The following MYO9A variants were observed in gnomAD, a reference collection of about 807,000 sequenced individuals.
MYO9A encodes the protein myosin IXA, also known as unconventional myosin-IXa.
A neutral mutation model predicts 293.3 loss-of-function variants in MYO9A; 103 were observed. The ratio of observed to expected loss-of-function variants is 0.35; its 90% CI spans 0.30 to 0.41. The LOEUF is 0.41. MYO9A is among the 10% of genes least tolerant of loss of function. The pLI, the probability that MYO9A is intolerant of heterozygous loss-of-function variation, is 1.00. For synonymous variants in MYO9A, 1,001 were observed against 1,035.7 expected (o/e 0.97, Z 0.64); for missense variants, 2,685 against 3,033.0 (o/e 0.89, Z 2.69).
intron 14 of MYO9A, chr15:71,959,063 T>TA (rs1399284574): frequency 2.0e-5 from 3 of 152,218 alleles, no homozygotes; most frequent in African/African-American, 7.2e-5. Flanking sequence ...AAATTTTCCT[T>TA]AAAGCTTTTT....
chr15:71,841,151 G>A (rs968454827), intron 39 of MYO9A, among the ~76,000 whole-genome samples: 1 of 151,970 alleles, frequency 6.6e-6, no homozygotes, highest in Admixed American at 6.6e-5. Context: ...TGATTTTCTT[G>A]AGTTTTGCAT....
At chr15:71,870,018 G>C (rs1359186641) in intron 32 of MYO9A, among the ~76,000 whole-genome samples, 2 of 152,096 alleles carry the variant, frequency 1.3e-5, no homozygotes, top group Non-Finnish European at 2.9e-5. Flanking sequence ...AGCTTCTCTT[G>C]CATCTATAAA....
At chr15:71,938,956 C>T in intron 15 of MYO9A, 29 bp from the exon 16 acceptor site, 4 of 1,513,826 alleles carry the variant, frequency 2.6e-6, no homozygotes, top group Non-Finnish European at 3.6e-6. Flanking sequence ...CAGAAAATTT[C>T]AAATCAGTGC....
At chr15:72,055,537 A>G (rs765859477) in intron 1 of MYO9A, among the ~76,000 whole-genome samples, 8 of 152,222 alleles carry the variant, frequency 5.3e-5, no homozygotes, top group Non-Finnish European at 7.3e-5. Context: ...CAACCCACAG[A>G]GTGTAAGAAA....
intron 18 of MYO9A, among the ~76,000 whole-genome samples, chr15:71,928,599 TGTC>T (rs1286394946): frequency 6.6e-6 from 1 of 152,218 alleles, no homozygotes; most frequent in Non-Finnish European, 1.5e-5. Context: ...TCATTTGTGT[TGTC>T]TTCAATTTCT....
intron 11 of MYO9A, among the ~76,000 whole-genome samples, chr15:71,978,566 A>T (rs183141057): frequency 6.6e-6 from 1 of 152,288 alleles, no homozygotes; most frequent in Non-Finnish European, 1.5e-5. Context: ...TAGTCTCACT[A>T]CCTGATGACT....
chr15:72,057,845 GA>G (rs1433260327), intron 1 of MYO9A, among the ~76,000 whole-genome samples: 1 of 152,160 alleles, frequency 6.6e-6, no homozygotes, highest in Non-Finnish European at 1.5e-5. Context: ...CTAGACCACT[GA>G]AATTCCTTGT....
In MYO9A at chr15:71,826,178, A is replaced by C. The variant is rs1003507739; in HGVS notation, c.*402T>G. On this transcript the variant is annotated 3_prime_UTR_variant, in exon 42 of 42. Coordinates refer to ENST00000356056, the MANE Select transcript of MYO9A (RefSeq NM_006901.4). ...AATAAACCCAAAGGCTTTTGCTTTCACGGTTAAGAAAGATTTATACGTTTT... is the reference window on the plus strand; with the variant it reads ...AATAAACCCAAAGGCTTTTGCTTTCCCGGTTAAGAAAGATTTATACGTTTT... The C allele has an allele frequency of 6.2e-6, 1 of 160,244 alleles. No individual in the cohort carries two copies. The highest frequency in any genetic ancestry group is 1.4e-5 in the Non-Finnish European group (1 of 73,770). 9.9% of individuals were successfully genotyped at this position (160,244 alleles called of 1,614,324 possible).
intron 2 of MYO9A, among the ~76,000 whole-genome samples, chr15:72,039,744 G>A (rs1204439417): frequency 3.9e-5 from 6 of 152,090 alleles, no homozygotes; most frequent in Admixed American, 1.3e-4. Context: ...CAGGAGAATC[G>A]CTTGATCCCG....
In MYO9A at chr15:71,899,743, T is replaced by C; in HGVS notation, c.3414A>G (p.Gln1138=). The C allele has an allele frequency of 6.2e-7, 1 of 1,614,116 alleles. No individual in the cohort carries two copies. Among genetic ancestry groups the C allele is most frequent in the South Asian group, 1.1e-5 (1 of 91,080 alleles). ...ATTGCAAAAGGATAATTTTTTTCCT[T>C]TGTTCTTGGTACCTTTTACTTTCCC... ...AYRESKRYQE[Q]RKKIILLQST... The change falls in exon 24 of 42, where the codon CAA becomes CAG. Residue 1138 remains glutamine (Q), a synonymous_variant. Transcript: ENST00000356056.
At chr15:71,964,429 T>C (rs569044745) in intron 13 of MYO9A, among the ~76,000 whole-genome samples, 3 of 151,942 alleles carry the variant, frequency 2.0e-5, no homozygotes, top group African/African-American at 4.8e-5. Context: ...AGCAGATCAC[T>C]TGGGGCCAGG....
chr15:72,051,224 G>C (rs2078552182), intron 1 of MYO9A, among the ~76,000 whole-genome samples: 1 of 152,142 alleles, frequency 6.6e-6, no homozygotes, highest in South Asian at 2.1e-4. Flanking sequence ...GCCACCGATG[G>C]CAGCAGCGGC....
intron 27 of MYO9A, among the ~76,000 whole-genome samples, chr15:71,887,145 C>T (rs1053591059): frequency 2.0e-5 from 3 of 152,008 alleles, no homozygotes; most frequent in African/African-American, 7.2e-5. Context: ...GAACAGAATC[C>T]AAGTCCAAAG....
intron 12 of MYO9A, among the ~76,000 whole-genome samples, chr15:71,971,531 C>A (rs1191086126): frequency 6.6e-6 from 1 of 151,458 alleles, no homozygotes; most frequent in Non-Finnish European, 1.5e-5. Flanking sequence ...CTTCAGTAAG[C>A]CATAACCGCA....
chr15:71,906,758 C>CTTTTTTTTTTTTTTTTTTTT (rs71131714), intron 19 of MYO9A, among the ~76,000 whole-genome samples: 14 of 61,028 alleles, frequency 2.3e-4, no homozygotes, highest in African/African-American at 6.4e-4. Context: ...CCATTTCTTT[C>CTTTTTTTTTTTTTTTTTTTT]TTTTTTTTTT....
chr15:71,939,161 T>C (rs2146033517), intron 15 of MYO9A: 1 of 468,018 alleles, frequency 2.1e-6, no homozygotes, highest in Admixed American at 3.9e-5. Flanking sequence ...AATCATTAAC[T>C]TCAGAAAATA....
intron 8 of MYO9A, among the ~76,000 whole-genome samples, chr15:72,002,679 A>G (rs545745181): frequency 6.6e-6 from 1 of 152,344 alleles, no homozygotes; most frequent in East Asian, 1.9e-4. Flanking sequence ...ATTCTTTATA[A>G]AAACATCTAT....
chr15:71,897,300 T>C (rs940016792), intron 25 of MYO9A, 161 bp downstream of exon 25: 2 of 749,702 alleles, frequency 2.7e-6, no homozygotes, highest in South Asian at 2.0e-5. Flanking sequence ...TACATCCAAC[T>C]TCAGGTGATG....
intron 1 of MYO9A, among the ~76,000 whole-genome samples, chr15:72,087,759 CCTTT>C (rs2079786874): frequency 7.2e-5 from 11 of 152,176 alleles, no homozygotes; most frequent in Admixed American, 7.2e-4. Flanking sequence ...CCACCTTCCT[CCTTT>C]CTTTCTCATA....
Sources: gnomAD v4.1 joint callset for allele counts (sites outside exome capture counted in the v4.1 genomes callset) on GRCh38, gnomAD v4.1.1 for gene constraint, MANE v1.5 for transcripts, NCBI Gene and HGNC (gene_info 2026-07-23, HGNC 2026-07-21) for gene names.